The following CDK15 variants were observed in gnomAD, a reference collection of about 807,000 sequenced individuals.
The protein encoded by CDK15 is cyclin dependent kinase 15.
In CDK15, 62 loss-of-function variants were observed where a neutral mutation model predicts 60.3. That is an observed-to-expected ratio of 1.03 (90% CI 0.84 to 1.27). The LOEUF is 1.27. Among genes scored for constraint, CDK15 ranks in the 50% most tolerant of loss-of-function variants. CDK15 has a pLI of 0.00. For synonymous variants in CDK15, 194 were observed against 195.7 expected (o/e 0.99, Z 0.07); for missense variants, 541 against 527.8 (o/e 1.03, Z -0.25).
intron 12 of CDK15, among the ~76,000 whole-genome samples, 191 bp from the exon 13 acceptor site, chr2:201,890,594 A>G (rs189766225): frequency 6.6e-6 from 1 of 152,356 alleles, no homozygotes; most frequent in Admixed American, 6.5e-5. Flanking sequence ...AATTGAATTA[A>G]ATAGAAGGCA....
At chr2:201,836,409 C>G (rs1697091615) in intron 8 of CDK15, among the ~76,000 whole-genome samples, 1 of 151,286 alleles carries the variant, frequency 6.6e-6, no homozygotes, top group African/African-American at 2.4e-5. Flanking sequence ...TGAACTGAGA[C>G]CCACAGAGTT....
At position 201,890,898 on chromosome 2, in the gene CDK15, G is replaced by T. The variant is rs374062107; in HGVS notation, c.*4G>T. 6 of 1,605,440 alleles carry T rather than the reference G, an allele frequency of 3.7e-6. No homozygotes were observed. Among genetic ancestry groups the T allele is most frequent in the Non-Finnish European group, 5.1e-6 (6 of 1,172,908 alleles). ...CCAGTTTAGCAAATGCTGGTGAAAAGAAAGGGCGAGATCACCAAGGTTCTT... is the reference window on the plus strand; with the variant it reads ...CCAGTTTAGCAAATGCTGGTGAAAATAAAGGGCGAGATCACCAAGGTTCTT... On this transcript the variant is annotated 3_prime_UTR_variant, in exon 13 of 14. Transcript: ENST00000652192.
At chr2:201,888,182 G>T (rs1699526937) in intron 12 of CDK15, among the ~76,000 whole-genome samples, 1 of 152,002 alleles carries the variant, frequency 6.6e-6, no homozygotes, top group Non-Finnish European at 1.5e-5. Flanking sequence ...GAGCCTTCAG[G>T]TTATCAGCCC....
chr2:201,824,466 T>C (rs1203968765), intron 6 of CDK15: 1 of 169,372 alleles, frequency 5.9e-6, no homozygotes. Flanking sequence ...TTATTTTCAA[T>C]GAGCTTAAAG....
intron 8 of CDK15, among the ~76,000 whole-genome samples, chr2:201,841,359 T>G (rs376650575): frequency 7.9e-5 from 12 of 152,230 alleles, no homozygotes; most frequent in East Asian, 3.8e-4. Flanking sequence ...TCCATTTGAT[T>G]GTTGTTTTCC....
chr2:201,888,766 G>C, intron 12 of CDK15: 1 of 1,181,904 alleles, frequency 8.5e-7, no homozygotes, highest in Non-Finnish European at 1.0e-6. Flanking sequence ...TGCTTTTGAG[G>C]GGCAAGGAAG....
Position 201,806,805 on chromosome 2 carries a change from G to A in CDK15, c.123+18G>A. 2 of 1,597,640 alleles carry A rather than the reference G, an allele frequency of 1.3e-6. No homozygotes were observed. Among genetic ancestry groups the A allele is most frequent in the African/African-American group, 2.7e-5 (2 of 75,016 alleles). On this transcript the variant is annotated intron_variant, in intron 1 of 13. Coordinates refer to ENST00000652192, the MANE Select transcript of CDK15 (RefSeq NM_001366386.2). ...CGTTCAAGGTATTTGTATCCCAGGA[G>A]AGAGCATCTTTCTCTATTGATAAAC...
intron 8 of CDK15, 70 bp downstream of exon 8, chr2:201,835,833 TTAA>T: frequency 8.2e-7 from 1 of 1,214,414 alleles, no homozygotes; most frequent in Non-Finnish European, 1.1e-6. Flanking sequence ...ACATTATATT[TTAA>T]TAATAATTCT....
chr2:201,822,218 T>A (rs978501394), intron 4 of CDK15, among the ~76,000 whole-genome samples: 1 of 152,206 alleles, frequency 6.6e-6, no homozygotes, highest in African/African-American at 2.4e-5. Flanking sequence ...ACTCCTCTTT[T>A]CAAGTTCACA....
At chr2:201,865,602 G>A (rs993386587) in intron 10 of CDK15, among the ~76,000 whole-genome samples, 6 of 152,044 alleles carry the variant, frequency 3.9e-5, no homozygotes, top group Non-Finnish European at 7.4e-5. Flanking sequence ...TCTAAAGCTC[G>A]GGAAGGGCCA....
chr2:201,871,228 C>T (rs186761838), intron 10 of CDK15, among the ~76,000 whole-genome samples: 205 of 152,110 alleles, frequency 1.3e-3, no homozygotes, highest in African/African-American at 4.8e-3. Context: ...GGCACAATCA[C>T]GGCTCACTGC....
Position 201,893,356 on chromosome 2 carries a change from A to C in CDK15, c.*89A>C, listed in dbSNP as rs1242306023. ...TGCTTCAGCTTACTAAGAAGCTTCA[A>C]ATCTAACTCCATACTGAACAAGGGG... On this transcript the variant is annotated 3_prime_UTR_variant, in exon 14 of 14. Transcript: ENST00000652192. 1.3e-5 allele frequency: 2 copies of C among 152,234 alleles called. No homozygotes were observed. The highest frequency in any genetic ancestry group is 1.3e-4 in the Admixed American group (2 of 15,286). 9.4% of individuals were successfully genotyped at this position (152,234 alleles called of 1,614,324 possible).
chr2:201,861,288 A>G, intron 10 of CDK15: 1 of 995,116 alleles, frequency 1.0e-6, no homozygotes, highest in African/African-American at 1.7e-5. Context: ...GCCTGCCAAG[A>G]TCGATGCTGG....
chr2:201,851,347 A>T (rs1697899999), intron 9 of CDK15, among the ~76,000 whole-genome samples: 1 of 149,574 alleles, frequency 6.7e-6, no homozygotes, highest in African/African-American at 2.4e-5. Context: ...ACTGTTCTAG[A>T]GGCTGGAAAG....
intron 10 of CDK15, among the ~76,000 whole-genome samples, chr2:201,869,150 C>G (rs1039972960): frequency 1.4e-4 from 21 of 152,240 alleles, no homozygotes; most frequent in African/African-American, 4.6e-4. Context: ...CAATGATAGA[C>G]TGGATTAAGA....
chr2:201,876,546 G>A (rs4675236), intron 11 of CDK15: 1,151,826 of 1,274,702 alleles, frequency 0.9, 521,401 homozygotes, highest in East Asian at 1. Context: ...TCACTTGCCC[G>A]CTTTGCCCTG....
At chr2:201,836,066 A>ATATT (rs1697033244) in intron 8 of CDK15, among the ~76,000 whole-genome samples, 18 of 14,324 alleles carry the variant, frequency 1.3e-3, no homozygotes, top group Non-Finnish European at 2.3e-3. Context: ...TATTATATAT[A>ATATT]TTTATATTTA....
rs1401435148 is a variant in CDK15, at chr2:201,872,294, T to A, written c.1026T>A (p.Pro342=). The A allele has an allele frequency of 6.2e-7, 1 of 1,614,012 alleles. No individual in the cohort carries two copies. The highest frequency in any genetic ancestry group is 1.3e-5 in the African/African-American group (1 of 74,920). The change falls in exon 11 of 14, where the codon CCT becomes CCA. Residue 342 remains proline (P), a synonymous_variant. Transcript: ENST00000652192. The stretch of plus-strand genomic sequence containing the variant: ...GCTTCCCAGAATGGTTCCCACTGCC[T>A]ACGCCTCGAAGCCTTCATGTTGTCT... ...PNYNPEWFPL[P]TPRSLHVVWN...
chr2:201,822,886 T>C lies in CDK15; in HGVS notation c.526T>C (p.Phe176Leu). ...DIIHTKETLT[F>L]VFEYMHTDLA... ...AATCCACACCAAAGAGACACTGACA[T>C]TCGTTTTTGAATACATGGTGAGTTG... The change falls in exon 5 of 14, where the codon TTC becomes CTC. Residue 176 changes from phenylalanine (F) to leucine (L), a missense_variant. Transcript: ENST00000652192. The C allele has an allele frequency of 6.2e-7, 1 of 1,609,628 alleles. No individual in the cohort carries two copies.
Sources: gnomAD v4.1 joint callset for allele counts (sites outside exome capture counted in the v4.1 genomes callset) on GRCh38, gnomAD v4.1.1 for gene constraint, MANE v1.5 for transcripts, NCBI Gene and HGNC (gene_info 2026-07-23, HGNC 2026-07-21) for gene names.